Variants in LRBA observed in about 807,000 individuals in gnomAD.
The protein encoded by LRBA is LPS responsive beige-like anchor protein, also known as lipopolysaccharide-responsive and beige-like anchor protein.
LRBA carries 176 observed loss-of-function variants against 330.0 expected under a neutral mutation model. That is an observed-to-expected ratio of 0.53 (90% CI 0.47 to 0.60). The LOEUF (loss-of-function observed/expected upper bound fraction) is 0.60, where lower values mean the gene tolerates loss of function less well. Ranked by LOEUF, LRBA falls within the 20% of genes least tolerant of loss-of-function variation. The pLI, the probability that LRBA is intolerant of heterozygous loss-of-function variation, is 0.00. For missense variants in LRBA, 3,259 were observed against 3,444.8 expected (o/e 0.95, Z 1.35); for synonymous variants, 1,230 against 1,193.0 (o/e 1.03, Z -0.64).
intron 36 of LRBA, among the ~76,000 whole-genome samples, chr4:150,714,201 G>A (rs1786513294): frequency 2.0e-5 from 3 of 152,064 alleles, no homozygotes; most frequent in Non-Finnish European, 4.4e-5. Flanking sequence ...CCTTTATGTG[G>A]ATACTAGTTA....
intron 35 of LRBA, among the ~76,000 whole-genome samples, chr4:150,738,466 C>T (rs1245690335): frequency 6.6e-6 from 1 of 152,064 alleles, no homozygotes; most frequent in Non-Finnish European, 1.5e-5. Context: ...GAATTTGTCA[C>T]CAGCCAACCA....
intron 47 of LRBA, among the ~76,000 whole-genome samples, chr4:150,397,121 A>T (rs1195922829): frequency 6.6e-6 from 1 of 152,212 alleles, no homozygotes; most frequent in Non-Finnish European, 1.5e-5. Flanking sequence ...ACATAAACAC[A>T]TCTTATATAC....
At chr4:150,379,175 C>T (rs1412927079) in intron 47 of LRBA, among the ~76,000 whole-genome samples, 2 of 151,588 alleles carry the variant, frequency 1.3e-5, no homozygotes, top group Non-Finnish European at 2.9e-5. Flanking sequence ...TGGTGGCGGG[C>T]ACCTGTAATC....
chr4:150,959,608 A>C (rs1333088990), intron 2 of LRBA, among the ~76,000 whole-genome samples: 1 of 149,208 alleles, frequency 6.7e-6, no homozygotes, highest in Non-Finnish European at 1.5e-5. Flanking sequence ...CCTTTAATTC[A>C]TAATATTTCA....
At chr4:150,372,742 C>A (rs1414826237) in intron 47 of LRBA, among the ~76,000 whole-genome samples, 2 of 42,758 alleles carry the variant, frequency 4.7e-5, no homozygotes, top group Non-Finnish European at 1.8e-4. Context: ...AAATTATATG[C>A]CTGGTACGCA....
At chr4:150,456,420 T>A (rs62344663) in intron 44 of LRBA, among the ~76,000 whole-genome samples, 1 of 152,000 alleles carries the variant, frequency 6.6e-6, no homozygotes, top group Non-Finnish European at 1.5e-5. Flanking sequence ...TCTCTGATGA[T>A]CAATGATGTT....
chr4:150,733,934 A>G (rs1730850552), intron 36 of LRBA, among the ~76,000 whole-genome samples: 1 of 152,170 alleles, frequency 6.6e-6, no homozygotes, highest in African/African-American at 2.4e-5. Context: ...AGACCACAGC[A>G]TTAGAAATTT....
chr4:150,994,737 G>A (rs1035825772), intron 2 of LRBA, among the ~76,000 whole-genome samples: 2 of 152,204 alleles, frequency 1.3e-5, no homozygotes, highest in African/African-American at 2.4e-5. Context: ...ACTGGGGGAA[G>A]AAATCAGATC....
intron 40 of LRBA, among the ~76,000 whole-genome samples, chr4:150,527,051 T>C (rs796847669): frequency 2.2e-4 from 34 of 152,022 alleles, no homozygotes; most frequent in African/African-American, 8.0e-4. Flanking sequence ...ATTTAATCTA[T>C]AGAATTTACC....
rs1775424754 is a variant in LRBA at position 150,613,021 on chromosome 4, G to A, written c.5922-13890C>T. The stretch of plus-strand genomic sequence containing the variant: ...ATCTTAAGTAAAAGTATAGAGGTCT[G>A]AAAATTGGAAGCAGTCTCATTTAGC... On this transcript the variant is annotated intron_variant, in intron 37 of 56. Coordinates refer to ENST00000651943, the MANE Select transcript of LRBA (RefSeq NM_001364905.1). Among the ~76,000 whole-genome samples the A allele has an allele frequency of 2.0e-5, 3 of 152,230 alleles. No homozygotes were observed. The South Asian group carries it at 6.2e-4, about 32-fold the overall frequency.
At chr4:150,639,765 A>ATGTG (rs1393495014) in intron 37 of LRBA, among the ~76,000 whole-genome samples, 1 of 5,364 alleles carries the variant, frequency 1.9e-4, no homozygotes, top group African/African-American at 5.7e-4. Flanking sequence ...ATATATATAT[A>ATGTG]TATATATATA....
At chr4:150,652,317 G>GT (rs1178764586) in intron 37 of LRBA, among the ~76,000 whole-genome samples, 1 of 151,924 alleles carries the variant, frequency 6.6e-6, no homozygotes, top group Non-Finnish European at 1.5e-5. Context: ...GCCTGTTGAG[G>GT]TATTTCATAA....
chr4:150,433,535 T>C (rs1047579377), intron 46 of LRBA, among the ~76,000 whole-genome samples: 2 of 152,132 alleles, frequency 1.3e-5, no homozygotes, highest in South Asian at 4.1e-4. Context: ...TTTTTGTTTA[T>C]ATTTCTAGTA....
intron 36 of LRBA, among the ~76,000 whole-genome samples, chr4:150,700,922 G>T (rs1407682359): frequency 6.6e-6 from 1 of 151,718 alleles, no homozygotes; most frequent in Non-Finnish European, 1.5e-5. Context: ...CACACCCCTG[G>T]CTAACTTTTT....
At chr4:150,616,554 G>GATTT (rs372575245) in intron 37 of LRBA, among the ~76,000 whole-genome samples, 196 of 152,206 alleles carry the variant, frequency 1.3e-3, no homozygotes, top group Non-Finnish European at 1.6e-3. Context: ...TTGACTATTG[G>GATTT]ATTTATTTAT....
At chr4:150,827,594 CT>C (rs1006527210) in intron 30 of LRBA, among the ~76,000 whole-genome samples, 13 of 149,690 alleles carry the variant, frequency 8.7e-5, no homozygotes, top group South Asian at 8.5e-4. Context: ...CTTATGATTT[CT>C]TTTTTTTTCT....
intron 35 of LRBA, among the ~76,000 whole-genome samples, chr4:150,744,494 A>G (rs1582217323): frequency 6.6e-6 from 1 of 152,330 alleles, no homozygotes; most frequent in East Asian, 1.9e-4. Flanking sequence ...CCTAAAAATA[A>G]AGGTTTCATC....
intron 39 of LRBA, among the ~76,000 whole-genome samples, chr4:150,588,758 T>C (rs1772436251): frequency 6.6e-6 from 1 of 152,344 alleles, no homozygotes; most frequent in Admixed American, 6.5e-5. Context: ...ACTTCTTTTC[T>C]AAGCCTTCCT....
chr4:150,923,633 T>C (rs918781586), intron 4 of LRBA, among the ~76,000 whole-genome samples: 1 of 152,216 alleles, frequency 6.6e-6, no homozygotes, highest in Non-Finnish European at 1.5e-5. Flanking sequence ...CACAAGTCTC[T>C]AATACATGAA....
Sources: gnomAD v4.1 joint callset for allele counts (sites outside exome capture counted in the v4.1 genomes callset) on GRCh38, gnomAD v4.1.1 for gene constraint, MANE v1.5 for transcripts, NCBI Gene and HGNC (gene_info 2026-07-23, HGNC 2026-07-21) for gene names.